MED26: variants seen among roughly 807,000 people sequenced by gnomAD.
MED26 encodes the protein mediator of RNA polymerase II transcription subunit 26.
Under a neutral mutation model 43.7 loss-of-function variants are expected in MED26, and 7 were observed. That is an observed-to-expected ratio of 0.16 (90% CI 0.09 to 0.30). The LOEUF is 0.30. Ranked by LOEUF, MED26 falls within the 10% of genes least tolerant of loss-of-function variation. The pLI, the probability that MED26 is intolerant of heterozygous loss-of-function variation, is 1.00. For missense variants in MED26, 784 were observed against 840.6 expected, an observed-to-expected ratio of 0.93 and a Z score of 0.83; for synonymous variants, 375 against 371.1, an observed-to-expected ratio of 1.01 and a Z score of -0.12.
At chr19:16,599,371 C>T (rs1276885049) in intron 1 of MED26, among the ~76,000 whole-genome samples, 1 of 152,150 alleles carries the variant, frequency 6.6e-6, no homozygotes, top group African/African-American at 2.4e-5. Context: ...CTTCAAATCA[C>T]AGATAAGCTG....
In MED26 at chr19:16,576,782, G is replaced by A. The variant is rs1020182899; in HGVS notation, c.1048C>T (p.Arg350Trp). Reference protein sequence around the residue: ...CWLEQPESHQRLAGPGCKAGL... With the variant: ...CWLEQPESHQWLAGPGCKAGL... ...GCCTTGCAGCCCGGCCCCGCCAGCCGCTGGTGGCTCTCAGGCTGCTCAAGC... is the reference window on the plus strand; with the variant it reads ...GCCTTGCAGCCCGGCCCCGCCAGCCACTGGTGGCTCTCAGGCTGCTCAAGC... The change falls in exon 3 of 3, where the codon CGG becomes TGG. Residue 350 changes from arginine (R) to tryptophan (W), a missense_variant. Transcript: ENST00000263390. This position sits in a 1 kb window ranked among gnomAD's most constrained non-coding sequence, Gnocchi z 6.8. 4.4e-6 allele frequency: 7 copies of A among 1,607,198 alleles called. No individual in the cohort carries two copies. Among genetic ancestry groups the A allele is most frequent in the Admixed American group, 1.7e-5 (1 of 59,710 alleles).
chr19:16,578,642 A>T (rs1433664812), intron 1 of MED26: 1 of 548,598 alleles, frequency 1.8e-6, no homozygotes, highest in Non-Finnish European at 3.3e-6. Flanking sequence ...GGGCTGCCCC[A>T]AGCCCTCCAG....
intron 1 of MED26, among the ~76,000 whole-genome samples, chr19:16,590,993 T>C (rs2086094263): frequency 6.6e-6 from 1 of 151,602 alleles, no homozygotes; most frequent in Non-Finnish European, 1.5e-5. Flanking sequence ...TGAGCTGAGA[T>C]TGCACCACTG....
intron 1 of MED26, among the ~76,000 whole-genome samples, chr19:16,591,110 A>G (rs1364285681): frequency 6.6e-6 from 1 of 152,006 alleles, no homozygotes; most frequent in Non-Finnish European, 1.5e-5. Context: ...TTAAAAAAAC[A>G]CCCATGGAGG....
chr19:16,578,539 A>G lies in MED26; in HGVS notation c.73-130T>C, dbSNP rs529891533. On this transcript the variant is annotated intron_variant, in intron 1 of 2. Transcript: ENST00000263390. Reference sequence around the variant, plus strand: ...AGGAGCCAGCAGCACTGAAGCCCCCACTCCATGTCGTCTCCTACCTGCTCC... The same window carrying G: ...AGGAGCCAGCAGCACTGAAGCCCCCGCTCCATGTCGTCTCCTACCTGCTCC... 2.4e-4 allele frequency: 189 copies of G among 790,576 alleles called. 6 individuals are homozygous for G. In the South Asian group the frequency reaches 3.2e-3, roughly 13 times the overall value. 49.0% of individuals were successfully genotyped at this position (790,576 alleles called of 1,614,324 possible). A position where few individuals can be genotyped will look rare whatever the true frequency, so the allele number is the denominator to read the frequency against.
At chr19:16,617,508 C>A (rs2086231723) in intron 1 of MED26, among the ~76,000 whole-genome samples, 1 of 152,224 alleles carries the variant, frequency 6.6e-6, no homozygotes, top group Admixed American at 6.5e-5. Context: ...TCAGGAGCTG[C>A]TGCCTTTCCC....
intron 1 of MED26, among the ~76,000 whole-genome samples, chr19:16,604,276 G>C (rs1379089682): frequency 1.3e-5 from 2 of 152,172 alleles, no homozygotes; most frequent in East Asian, 3.9e-4. Context: ...CCAGTGCTCT[G>C]GGCTGTGCCT....
chr19:16,598,195 G>A (rs1346632202), intron 1 of MED26, among the ~76,000 whole-genome samples: 2 of 151,682 alleles, frequency 1.3e-5, no homozygotes, highest in Admixed American at 6.6e-5. Context: ...AAATTAGCCG[G>A]GCGAGGTGGT....
intron 1 of MED26, among the ~76,000 whole-genome samples, chr19:16,622,584 G>A (rs1447463946): frequency 6.6e-6 from 1 of 152,198 alleles, no homozygotes; most frequent in Non-Finnish European, 1.5e-5. Context: ...GGCTGTTTTG[G>A]AAGGTGCTCC....
chr19:16,605,955 G>A (rs928002902), intron 1 of MED26, among the ~76,000 whole-genome samples: 17 of 152,196 alleles, frequency 1.1e-4, no homozygotes, highest in African/African-American at 3.9e-4. Context: ...GCGGATATTC[G>A]TGCATGGCAA....
chr19:16,614,370 T>C (rs559258676), intron 1 of MED26, among the ~76,000 whole-genome samples: 65 of 151,882 alleles, frequency 4.3e-4, no homozygotes, highest in Admixed American at 1.8e-3. Context: ...TCTACAAAAA[T>C]TACAAAAAAT....
In MED26 at chr19:16,576,147, C is replaced by T. The variant is rs772705024; in HGVS notation, c.1683G>A (p.Pro561=). 1.4e-5 allele frequency: 23 copies of T among 1,613,942 alleles called. No individual in the cohort carries two copies. The highest frequency in any genetic ancestry group is 3.3e-5 in the Admixed American group (2 of 60,034). The change falls in exon 3 of 3, where the codon CCG becomes CCA. Residue 561 remains proline (P), a synonymous_variant. Coordinates refer to ENST00000263390, the MANE Select transcript of MED26 (RefSeq NM_004831.5). This position sits in a 1 kb window ranked among gnomAD's most constrained non-coding sequence, Gnocchi z 6.8. ...DLDRIQASQW[P]GVNGCQDTQG... ...GTGTGTCCTGACACCCGTTCACCCC[C>T]GGCCACTGGCTGGCCTGGATTCTGT...
At chr19:16,582,869 G>T (rs537013495) in intron 1 of MED26, among the ~76,000 whole-genome samples, 1 of 152,246 alleles carries the variant, frequency 6.6e-6, no homozygotes, top group Non-Finnish European at 1.5e-5. Flanking sequence ...TGCGGCAGGG[G>T]AGAGGCCATG....
intron 1 of MED26, among the ~76,000 whole-genome samples, chr19:16,617,551 G>A (rs1240817651): frequency 6.6e-6 from 1 of 152,116 alleles, no homozygotes; most frequent in Non-Finnish European, 1.5e-5. Context: ...CAAGACAGGC[G>A]GACACACAGA....
At chr19:16,606,449 G>A (rs551055873) in intron 1 of MED26, among the ~76,000 whole-genome samples, 23 of 152,242 alleles carry the variant, frequency 1.5e-4, no homozygotes, top group African/African-American at 5.3e-4. Flanking sequence ...CTACTCAAGA[G>A]GATGAGGCAG....
At position 16,577,348 on chromosome 19, in the gene MED26, G is replaced by A. The variant is rs764499531; in HGVS notation, c.482C>T (p.Pro161Leu). ...GDQRDLGHPG[P>L]PPKVSKASHD... ...GCTAGCTTTGGAGACCTTGGGTGGC[G>A]GCCCTGGGTGGCCGAGGTCACGCTG... Residue 161 changes from proline (P) to leucine (L), a missense_variant, in exon 3 of 3, where the codon CCG (proline) becomes CTG (leucine). Around this residue, in one of 3 missense-constraint regions of MED26, gnomAD observed 719 missense variants for 730.9 expected, o/e 0.98. Transcript: ENST00000263390. The surrounding 1 kb of genome is among the most constrained non-coding windows in gnomAD (Gnocchi z 8.1). 7.7e-5 allele frequency: 124 copies of A among 1,611,544 alleles called. No homozygotes were observed. Among genetic ancestry groups the A allele is most frequent in the Middle Eastern group, 4.9e-4 (3 of 6,082 alleles).
chr19:16,613,720 T>C lies in MED26; in HGVS notation c.72+14152A>G, dbSNP rs190468631. On this transcript the variant is annotated intron_variant, in intron 1 of 2. Transcript: ENST00000263390. ...CAGCCCATCTATAAAATGGGATAAT[T>C]CTTAGCACAGAGTGAGCACACAGTA... 2.9e-3 allele frequency among the ~76,000 whole-genome samples: 446 copies of C among 152,352 alleles called. 2 individuals carry two copies. The highest frequency in any genetic ancestry group is 5.3e-3 in the Non-Finnish European group (363 of 68,036).
intron 1 of MED26, among the ~76,000 whole-genome samples, chr19:16,584,550 C>T (rs753777134): frequency 2.6e-5 from 4 of 152,184 alleles, no homozygotes; most frequent in Non-Finnish European, 5.9e-5. Context: ...CCTGGAGCTG[C>T]GTGAGACACC....
chr19:16,626,935 G>T (rs983306313), intron 1 of MED26, among the ~76,000 whole-genome samples: 1 of 31,670 alleles, frequency 3.2e-5, no homozygotes, highest in Non-Finnish European at 6.7e-5. Flanking sequence ...CCCCACCCCC[G>T]CAACAACACA....
Sources: allele counts gnomAD v4.1 joint callset (sites outside exome capture counted in the v4.1 genomes callset), GRCh38; gene constraint gnomAD v4.1.1; regional missense constraint gnomAD v4.1.1; non-coding constraint Gnocchi (gnomAD v3.1); transcripts MANE v1.5; gene names NCBI Gene and HGNC (gene_info 2026-07-23, HGNC 2026-07-21).